The following EML6 variants were observed in gnomAD, a reference collection of about 807,000 sequenced individuals.
EML6 encodes the protein EMAP like 6.
A neutral mutation model predicts 240.1 loss-of-function variants in EML6; 154 were observed. That is an observed-to-expected ratio of 0.64 (90% CI 0.56 to 0.73). The LOEUF is 0.73. Ranked by LOEUF, EML6 falls within the 30% of genes least tolerant of loss-of-function variation. The pLI is 0.00. For synonymous variants in EML6, 1,148 were observed against 899.0 expected (o/e 1.28, Z -4.95); for missense variants, 2,964 against 2,474.6 (o/e 1.20, Z -4.20).
intron 17 of EML6, 167 bp downstream of exon 17, chr2:54,879,807 T>C: frequency 1.7e-6 from 1 of 604,850 alleles, no homozygotes. Context: ...GTGCCAAACC[T>C]GACTTAGAGC....
At chr2:54,764,982 C>T (rs1370093223) in intron 2 of EML6, among the ~76,000 whole-genome samples, 1 of 152,110 alleles carries the variant, frequency 6.6e-6, no homozygotes, top group African/African-American at 2.4e-5. Context: ...GAATAGTTAG[C>T]TAATATTTTT....
At chr2:54,953,097 A>C (rs1573208744) in intron 31 of EML6, among the ~76,000 whole-genome samples, 1 of 152,330 alleles carries the variant, frequency 6.6e-6, no homozygotes, top group East Asian at 1.9e-4. Context: ...ATTCACATTT[A>C]TGAGAAGTTT....
intron 2 of EML6, among the ~76,000 whole-genome samples, chr2:54,792,624 A>C (rs1669515200): frequency 6.6e-6 from 1 of 152,154 alleles, no homozygotes; most frequent in African/African-American, 2.4e-5. Context: ...ATGTTTCAAA[A>C]CTCACAGAAC....
At position 54,960,284 on chromosome 2, in the gene EML6, C is replaced by T. The variant is rs1216973631; in HGVS notation, c.4918C>T (p.Leu1640=). 2 of 1,551,376 alleles carry T rather than the reference C, an allele frequency of 1.3e-6. No individual in the cohort carries two copies. The highest frequency in any genetic ancestry group is 2.4e-5 in the East Asian group (1 of 40,932). The change falls in exon 35 of 42, where the codon CTG becomes TTG. Residue 1640 remains leucine (L), a synonymous_variant. Transcript: ENST00000356458. ...QEMKRCRAFQ[L]ETGQLVECVR... is the part of the protein sequence containing the mutation. ...GATGAAGCGCTGCCGGGCCTTTCAG[C>T]TGGAGACCGGGCAGCTGGTGGAGTG...
intron 26 of EML6, among the ~76,000 whole-genome samples, chr2:54,922,928 A>G (rs1459940582): frequency 1.4e-5 from 2 of 140,758 alleles, no homozygotes; most frequent in African/African-American, 5.3e-5. Flanking sequence ...GTCAAAGGGT[A>G]TAAACTTTTT....
intron 3 of EML6, 56 bp from the exon 4 acceptor site, chr2:54,816,731 G>A (rs1419226370): frequency 3.6e-5 from 45 of 1,254,782 alleles, no homozygotes; most frequent in South Asian, 5.2e-5. Context: ...ATTTCTTAAC[G>A]TGTCAGTAAG....
Position 54,725,097 on chromosome 2 carries a change from G to C in EML6, c.36G>C (p.Arg12=). 1 of 1,532,608 alleles carries C rather than the reference G, an allele frequency of 6.5e-7. No individual in the cohort carries two copies. Among genetic ancestry groups the C allele is most frequent in the Non-Finnish European group, 8.8e-7 (1 of 1,138,968 alleles). The allele number at this position is 1,532,608 out of a possible 1,614,324, so 94.9% of individuals were successfully genotyped here. ...GGACGGCGCCCCGCTGCCAGCTCCGGCTGGAGTGGGTGTACGGGTACCGGG... is the reference window on the plus strand; with the variant it reads ...GGACGGCGCCCCGCTGCCAGCTCCGCCTGGAGTGGGTGTACGGGTACCGGG... The part of the protein sequence containing the change: ...ADRTAPRCQL[R]LEWVYGYRGH... Residue 12 remains arginine, a synonymous_variant, in exon 2 of 42, where the codon CGG becomes CGC. Coordinates refer to ENST00000356458, the MANE Select transcript of EML6 (RefSeq NM_001039753.4). The surrounding 1 kb of genome is among the most constrained non-coding windows in gnomAD (Gnocchi z 4.3).
chr2:54,878,850 G>C (rs1428460621), intron 16 of EML6, among the ~76,000 whole-genome samples: 1 of 152,060 alleles, frequency 6.6e-6, no homozygotes, highest in Non-Finnish European at 1.5e-5. Context: ...TTCTGGTATT[G>C]TTTTTTCTAA....
At chr2:54,850,857 T>C (rs1288762285) in intron 10 of EML6, among the ~76,000 whole-genome samples, 1 of 152,178 alleles carries the variant, frequency 6.6e-6, no homozygotes, top group Non-Finnish European at 1.5e-5. Context: ...ATGGAATACT[T>C]TAAAGAACTT....
intron 9 of EML6, among the ~76,000 whole-genome samples, chr2:54,847,913 A>C (rs1056710700): frequency 6.6e-6 from 1 of 152,194 alleles, no homozygotes; most frequent in East Asian, 1.9e-4. Context: ...ACTTGCTGCA[A>C]AATTATTGTG....
At chr2:54,831,637 G>C (rs539482613) in intron 7 of EML6, among the ~76,000 whole-genome samples, 1 of 152,368 alleles carries the variant, frequency 6.6e-6, no homozygotes, top group East Asian at 1.9e-4. Context: ...TGCCTGCCCT[G>C]TGGTGCCTGG....
chr2:54,933,108 T>C lies in EML6; in HGVS notation c.4004+4357T>C, dbSNP rs572308020. ...ACAGTTCTTCAGGTAGAAAAATGGC[T>C]GCAGAACTTATAGTCTCTGTGGTTC... On this transcript the variant is annotated intron_variant, in intron 28 of 41. Coordinates refer to ENST00000356458, the MANE Select transcript of EML6 (RefSeq NM_001039753.4). 6.9e-4 allele frequency among the ~76,000 whole-genome samples: 105 copies of C among 152,308 alleles called. 1 individual carries two copies. The highest frequency in any genetic ancestry group is 2.5e-3 in the African/African-American group (105 of 41,576).
At chr2:54,829,003 T>TAGTTGTCC (rs1668731285) in intron 6 of EML6, among the ~76,000 whole-genome samples, 1 of 152,226 alleles carries the variant, frequency 6.6e-6, no homozygotes, top group African/African-American at 2.4e-5. Context: ...AACACCTCCA[T>TAGTTGTCC]AGTTGTCTTT....
rs1430015988 is a variant in EML6 at position 54,916,826 on chromosome 2, C to T, written c.3566C>T (p.Ala1189Val). Reference sequence around the variant, plus strand: ...CCCACCTGTGAGGGAATCTGGCCAGCACATAGCGATATAACTGACGTAAAT... The same window carrying T: ...CCCACCTGTGAGGGAATCTGGCCAGTACATAGCGATATAACTGACGTAAAT... Reference protein sequence around the residue: ...LGPTCEGIWPAHSDITDVNAA... With the variant: ...LGPTCEGIWPVHSDITDVNAA... Residue 1189 changes from alanine to valine, a missense_variant, in exon 26 of 42, where the codon GCA becomes GTA. Coordinates refer to ENST00000356458, the MANE Select transcript of EML6 (RefSeq NM_001039753.4). 1.9e-6 allele frequency: 3 copies of T among 1,550,374 alleles called. No homozygotes were observed. Among genetic ancestry groups the T allele is most frequent in the East Asian group, 4.9e-5 (2 of 40,896 alleles).
chr2:54,959,026 C>G (rs1676368223), intron 33 of EML6, 78 bp from the exon 34 acceptor site: 1 of 1,377,436 alleles, frequency 7.3e-7, no homozygotes, highest in Admixed American at 2.3e-5. Context: ...GCTCTGGTTC[C>G]TTAATGAGAG....
At chr2:54,929,436 A>G (rs1674736570) in intron 28 of EML6, among the ~76,000 whole-genome samples, 1 of 152,250 alleles carries the variant, frequency 6.6e-6, no homozygotes, top group Non-Finnish European at 1.5e-5. Context: ...TTAATTTATC[A>G]TATTCATGCT....
chr2:54,799,623 G>A (rs111808382), intron 2 of EML6, among the ~76,000 whole-genome samples: 3,488 of 152,308 alleles, frequency 0.023, 143 homozygotes, highest in African/African-American at 0.076. Flanking sequence ...GATTAAGGGC[G>A]TGAACCATCG....
intron 2 of EML6, among the ~76,000 whole-genome samples, chr2:54,794,637 A>G (rs144211188): frequency 6.6e-6 from 1 of 152,190 alleles, no homozygotes; most frequent in Non-Finnish European, 1.5e-5. Context: ...TGGCCCTTGC[A>G]TAATGCCCCT....
chr2:54,866,048 T>G (rs1670953450), intron 13 of EML6, among the ~76,000 whole-genome samples: 1 of 152,182 alleles, frequency 6.6e-6, no homozygotes, highest in Admixed American at 6.5e-5. Flanking sequence ...GTAGTGAGAG[T>G]TCTTCTGACC....
Sources: gnomAD v4.1 joint callset for allele counts (sites outside exome capture counted in the v4.1 genomes callset) on GRCh38, gnomAD v4.1.1 for gene constraint, Gnocchi (gnomAD v3.1) non-coding constraint, MANE v1.5 for transcripts, NCBI Gene and HGNC (gene_info 2026-07-23, HGNC 2026-07-21) for gene names.